Variants in ARHGAP24 observed in about 807,000 individuals in gnomAD.
ARHGAP24 encodes rho GTPase-activating protein 24.
Under a neutral mutation model 76.4 loss-of-function variants are expected in ARHGAP24, and 50 were observed. The ratio of observed to expected loss-of-function variants is 0.65; its 90% CI spans 0.52 to 0.83. The LOEUF (loss-of-function observed/expected upper bound fraction) is 0.83. Ranked by LOEUF, ARHGAP24 falls within the 40% of genes least tolerant of loss-of-function variation. The probability of loss-of-function intolerance (pLI) is 0.00; values close to 1 mark genes in which losing one functional copy is unlikely to be tolerated. For missense variants in ARHGAP24, 930 were observed against 914.2 expected (o/e 1.02, Z -0.22); for synonymous variants, 345 against 323.3 (o/e 1.07, Z -0.72).
At chr4:85,558,359 A>T (rs2110133837) in intron 1 of ARHGAP24, among the ~76,000 whole-genome samples, 1 of 152,332 alleles carries the variant, frequency 6.6e-6, no homozygotes, top group African/African-American at 2.4e-5. Flanking sequence ...CTAAACTGCT[A>T]ATTAAATGTA....
intron 1 of ARHGAP24, among the ~76,000 whole-genome samples, chr4:85,558,202 G>A (rs957259610): frequency 1.1e-4 from 16 of 152,300 alleles, no homozygotes; most frequent in Admixed American, 9.2e-4. Context: ...TTAGCAAAGG[G>A]ATGGTGGCAT....
intron 1 of ARHGAP24, among the ~76,000 whole-genome samples, chr4:85,508,055 CT>C (rs33968351): frequency 0.68 from 101,480 of 148,756 alleles, 35,739 homozygotes; most frequent in East Asian, 0.86. Flanking sequence ...CATCATTATT[CT>C]TTTTTTTTTT....
chr4:85,606,803 A>G (rs1009172345), intron 2 of ARHGAP24, among the ~76,000 whole-genome samples: 6 of 152,204 alleles, frequency 3.9e-5, no homozygotes, highest in African/African-American at 1.4e-4. Context: ...ATAAATGTGT[A>G]ATGTTCTAGA....
chr4:85,981,060 G>T (rs1228764230), intron 8 of ARHGAP24, among the ~76,000 whole-genome samples: 1 of 152,084 alleles, frequency 6.6e-6, no homozygotes, highest in Non-Finnish European at 1.5e-5. Flanking sequence ...TCATATTAGG[G>T]TGCAGAGACG....
chr4:85,928,126 C>T (rs541707691), intron 4 of ARHGAP24, among the ~76,000 whole-genome samples: 3 of 152,268 alleles, frequency 2.0e-5, no homozygotes, highest in East Asian at 3.9e-4. Context: ...AGTAATAATG[C>T]TAATTGAGAG....
intron 3 of ARHGAP24, among the ~76,000 whole-genome samples, chr4:85,819,268 T>C (rs1463923698): frequency 6.6e-6 from 1 of 152,246 alleles, no homozygotes; most frequent in Non-Finnish European, 1.5e-5. Context: ...TAAAATTTAG[T>C]GCAGACTGTC....
chr4:85,706,520 T>C (rs1724312818), intron 2 of ARHGAP24, among the ~76,000 whole-genome samples: 1 of 152,052 alleles, frequency 6.6e-6, no homozygotes, highest in South Asian at 2.1e-4. Context: ...ACAAAACACA[T>C]TTCCCTGAAA....
chr4:85,779,517 C>G (rs900342484), intron 3 of ARHGAP24, among the ~76,000 whole-genome samples: 2 of 152,078 alleles, frequency 1.3e-5, no homozygotes, highest in Admixed American at 6.5e-5. Flanking sequence ...GGGTTTTTGC[C>G]TCCAGTTTGC....
rs1722517103 is a variant in ARHGAP24 at position 85,475,223 on chromosome 4, G to A, written c.-357G>A. The A allele has an allele frequency of 1.3e-5, 2 of 152,326 alleles. No individual in the cohort carries two copies. Among genetic ancestry groups the A allele is most frequent in the Admixed American group, 6.5e-5 (1 of 15,288 alleles). The allele number at this position is 152,326 out of a possible 1,614,324, so 9.4% of individuals were successfully genotyped here. On this transcript the variant is annotated 5_prime_UTR_variant, in exon 1 of 10. Coordinates refer to ENST00000395184, the MANE Select transcript of ARHGAP24 (RefSeq NM_001025616.3). ...GCATGTGGCAACACAGCCCAGCTCCGGGTGGAAACCAGCAGGGCTCTGGAG... is the reference window on the plus strand; with the variant it reads ...GCATGTGGCAACACAGCCCAGCTCCAGGTGGAAACCAGCAGGGCTCTGGAG...
chr4:85,987,722 A>C (rs1740084655), intron 8 of ARHGAP24, among the ~76,000 whole-genome samples: 2 of 151,992 alleles, frequency 1.3e-5, no homozygotes, highest in African/African-American at 4.8e-5. Context: ...AAAAAGAATA[A>C]ATTCAGACTT....
chr4:85,622,357 T>G (rs996423840), intron 2 of ARHGAP24, among the ~76,000 whole-genome samples: 108 of 151,054 alleles, frequency 7.1e-4, no homozygotes, highest in African/African-American at 2.6e-3. Context: ...TTTGGTTTTT[T>G]GTCCTTGCGA....
intron 1 of ARHGAP24, among the ~76,000 whole-genome samples, chr4:85,553,072 G>A (rs1322249838): frequency 1.3e-5 from 2 of 152,098 alleles, no homozygotes; most frequent in Non-Finnish European, 2.9e-5. Flanking sequence ...TGAAGCTGCA[G>A]ACCTTCGCAG....
At chr4:85,598,747 T>G (rs953613754) in intron 2 of ARHGAP24, among the ~76,000 whole-genome samples, 4 of 139,254 alleles carry the variant, frequency 2.9e-5, no homozygotes, top group Non-Finnish European at 6.3e-5. Flanking sequence ...TTTTGTTTTG[T>G]TTTTTTTTTT....
At chr4:85,575,226 A>G (rs760815027) in intron 2 of ARHGAP24, among the ~76,000 whole-genome samples, 13 of 152,238 alleles carry the variant, frequency 8.5e-5, no homozygotes, top group Non-Finnish European at 1.6e-4. Flanking sequence ...GATTTTATCC[A>G]GAGCATATTT....
intron 3 of ARHGAP24, among the ~76,000 whole-genome samples, chr4:85,818,533 C>T (rs115944145): frequency 1.4e-3 from 216 of 152,254 alleles, no homozygotes; most frequent in South Asian, 0.013. Context: ...ACCACTTTAG[C>T]GTAATTTGAG....
In ARHGAP24 at chr4:85,506,874, TTGGAATGG is replaced by T. The variant is rs1444609786; in HGVS notation, c.-21+31316_-21+31323del. 7.3e-5 allele frequency among the ~76,000 whole-genome samples: 9 copies of T among 124,006 alleles called. No homozygotes were observed. The South Asian group carries it at 2.8e-3, about 39-fold the overall frequency. 81.4% of individuals were successfully genotyped at this position (124,006 alleles called of 152,430 possible). On this transcript the variant is annotated intron_variant, in intron 1 of 9. Transcript: ENST00000395184. ...CTGGAGCTGTTCCTATTCGGCTATC[TTGGAATGG>T]GATCTAAGCCTTTTTTTTTCCCCCC... is the stretch of plus-strand genomic sequence containing the variant.
intron 1 of ARHGAP24, among the ~76,000 whole-genome samples, chr4:85,558,047 C>G (rs13140816): frequency 0.25 from 38,766 of 152,066 alleles, 6,366 homozygotes; most frequent in East Asian, 0.79. Context: ...TGCCGCCAAC[C>G]TCAGATGCTC....
Position 85,721,957 on chromosome 4 carries a change from T to G in ARHGAP24, c.253T>G (p.Phe85Val). The G allele has an allele frequency of 6.2e-7, 1 of 1,613,224 alleles. No homozygotes were observed. The highest frequency in any genetic ancestry group is 8.5e-7 in the Non-Finnish European group (1 of 1,179,392). The part of the protein sequence containing the change: ...CNEENPGKFL[F>V]EVVPGGDRDR... Reference sequence around the variant, plus strand: ...TGAAGAGAACCCAGGGAAGTTCCTTTTTGAAGTAGTTCCAGGTAAGATATT... The same window carrying G: ...TGAAGAGAACCCAGGGAAGTTCCTTGTTGAAGTAGTTCCAGGTAAGATATT... The change falls in exon 3 of 10, where the codon TTT becomes GTT. Residue 85 changes from phenylalanine (F) to valine (V), a missense_variant. By Grantham distance (50) the Phe-to-Val change is conservative (BLOSUM62 -1). Coordinates refer to ENST00000395184, the MANE Select transcript of ARHGAP24 (RefSeq NM_001025616.3).
At chr4:85,747,255 A>G (rs948106419) in intron 3 of ARHGAP24, among the ~76,000 whole-genome samples, 1 of 152,246 alleles carries the variant, frequency 6.6e-6, no homozygotes, top group African/African-American at 2.4e-5. Flanking sequence ...ATATTAAAAT[A>G]TCTTTAGAGT....
Sources: gnomAD v4.1 joint callset for allele counts (sites outside exome capture counted in the v4.1 genomes callset) on GRCh38, gnomAD v4.1.1 for gene constraint, MANE v1.5 for transcripts, NCBI Gene and HGNC (gene_info 2026-07-23, HGNC 2026-07-21) for gene names.